The following C21orf58 variants were observed in gnomAD, a reference collection of about 807,000 sequenced individuals.
C21orf58 encodes chromosome 21 open reading frame 58.
A neutral mutation model predicts 35.8 loss-of-function variants in C21orf58; 34 were observed. The ratio of observed to expected loss-of-function variants is 0.95; its 90% CI spans 0.72 to 1.26. The LOEUF (loss-of-function observed/expected upper bound fraction) is 1.26. Ranked by LOEUF, C21orf58 falls within the 50% of genes most tolerant of loss-of-function variation. The probability of loss-of-function intolerance (pLI) is 0.00; values close to 1 mark genes in which losing one functional copy is unlikely to be tolerated. For synonymous variants in C21orf58, 191 were observed against 175.8 expected (o/e 1.09, Z -0.68); for missense variants, 440 against 414.3 (o/e 1.06, Z -0.54).
chr21:46,311,625 T>G (rs1266689728), intron 5 of C21orf58, 58 bp from the exon 6 acceptor site: 10 of 1,010,592 alleles, frequency 9.9e-6, no homozygotes, highest in Non-Finnish European at 1.3e-5. Context: ...GTGTCTCCAG[T>G]ATCTACCACC....
intron 1 of C21orf58, among the ~76,000 whole-genome samples, chr21:46,322,204 T>C (rs575351650): frequency 6.8e-4 from 103 of 152,016 alleles, no homozygotes; most frequent in Non-Finnish European, 1.1e-3. Context: ...GAGAATCACC[T>C]GAGCCCGGGG....
intron 5 of C21orf58, among the ~76,000 whole-genome samples, chr21:46,311,807 TCATC>T (rs2082718625): frequency 2.0e-5 from 1 of 50,380 alleles, no homozygotes; most frequent in South Asian, 7.1e-4. Flanking sequence ...AACCAACCAT[TCATC>T]CACCCACCCA....
chr21:46,307,985 T>C (rs2082497201), intron 6 of C21orf58, among the ~76,000 whole-genome samples: 1 of 152,000 alleles, frequency 6.6e-6, no homozygotes, highest in African/African-American at 2.4e-5. Context: ...TAGATAACAG[T>C]TTGGCAGTTT....
At chr21:46,300,566 C>T (rs564158308), downstream of C21orf58, 31 of 997,700 alleles carry the variant, frequency 3.1e-5, no homozygotes, top group African/African-American at 3.4e-5. Flanking sequence ...TCAAGAGGCA[C>T]GAAAAGATGG....
intron 6 of C21orf58, among the ~76,000 whole-genome samples, chr21:46,303,625 G>GAGA (rs1302193230): frequency 7.2e-6 from 1 of 138,582 alleles, no homozygotes; most frequent in Non-Finnish European, 1.5e-5. Flanking sequence ...ACCGAGACAG[G>GAGA]AGAAGTCCTT....
Position 46,302,559 on chromosome 21 carries a change from GC to G in C21orf58, c.738del (p.Leu247CysfsTer152), listed in dbSNP as rs2082156172. ...GSIKEDMVEL[L>X]LLQNAQVHQL... Reference sequence around the variant, plus strand: ...TGGTGCACCTGTGCGTTCTGCAGCAGCAGCAGCTCCACCATGTCTGCAGGGA... The same window carrying G: ...TGGTGCACCTGTGCGTTCTGCAGCAGAGCAGCTCCACCATGTCTGCAGGGA... On this transcript the variant is annotated frameshift_variant, in exon 7 of 8. Transcript: ENST00000291691. LOFTEE classifies it high-confidence loss of function. 3.1e-6 allele frequency: 5 copies of G among 1,612,136 alleles called. No individual in the cohort carries two copies. The highest frequency in any genetic ancestry group is 4.2e-6 in the Non-Finnish European group (5 of 1,179,106).
Position 46,302,505 on chromosome 21 carries a change from C to T in C21orf58, c.793G>A (p.Ala265Thr). 6.2e-7 allele frequency: 1 copy of T among 1,611,728 alleles called. No individual in the cohort carries two copies. Among genetic ancestry groups the T allele is most frequent in the South Asian group, 1.1e-5 (1 of 90,508 alleles). ...QLVLQNWMLK[A>T]LPPALQDPPH... The stretch of plus-strand genomic sequence containing the variant: ...CCTACCTGCAGGGCTGGGGGCAGGG[C>T]CTTGAGCATCCAGTTCTGCAGGACC... Residue 265 changes from alanine (A) to threonine (T), a missense_variant, in exon 7 of 8, where the codon GCC (alanine) becomes ACC (threonine). By Grantham distance (58) the Ala-to-Thr change is moderately conservative. Transcript: ENST00000291691.
Position 46,301,882 on chromosome 21 carries a change from C to T in C21orf58, c.*117G>A, listed in dbSNP as rs1172557545. 4 of 1,330,864 alleles carry T rather than the reference C, an allele frequency of 3.0e-6. No individual in the cohort carries two copies. In the East Asian group the frequency reaches 1.2e-4, roughly 40 times the overall value. The allele number at this position is 1,330,864 out of a possible 1,614,324, so 82.4% of individuals were successfully genotyped here. A position where few individuals can be genotyped will look rare whatever the true frequency, so the allele number is the denominator to read the frequency against. ...AGCCTGCAGTCCACACTCGCGTAGC[C>T]ACTCCGGGTGGTGGCAGGGTCTCTC... On this transcript the variant is annotated 3_prime_UTR_variant, in exon 8 of 8. Transcript: ENST00000291691.
At chr21:46,315,025 G>A in intron 4 of C21orf58, 145 bp from the exon 5 acceptor site, 1 of 1,545,670 alleles carries the variant, frequency 6.5e-7, no homozygotes. Context: ...GACCCTTCCA[G>A]GGTTATGTGC....
chr21:46,321,357 A>G (rs1167156632), intron 1 of C21orf58, among the ~76,000 whole-genome samples: 1 of 152,136 alleles, frequency 6.6e-6, no homozygotes, highest in Admixed American at 6.6e-5. Context: ...AAGCCAGTGC[A>G]CCTGGCCCAT....
downstream of C21orf58, chr21:46,300,842 A>G (rs1318399460): frequency 1.7e-6 from 2 of 1,198,886 alleles, no homozygotes; most frequent in South Asian, 1.3e-5. Flanking sequence ...AAAAATATGT[A>G]AACAACATTA....
At chr21:46,303,707 AAATATATATATATATATATATATAT>A (rs2082237512) in intron 6 of C21orf58, among the ~76,000 whole-genome samples, 1 of 41,528 alleles carries the variant, frequency 2.4e-5, no homozygotes, top group South Asian at 1.0e-3. Flanking sequence ...CACACACACA[AAATATATATATATATATATATATAT>A]ATATATATAT....
chr21:46,301,603 C>T lies in C21orf58; in HGVS notation c.*396G>A, dbSNP rs1056617846. ...GCTCCTGAGCTGAGATTTTCTTAAA[C>T]TCTTTCTGGATGAAATCTTTATTTC... On this transcript the variant is annotated 3_prime_UTR_variant, in exon 8 of 8. Coordinates refer to ENST00000291691, the MANE Select transcript of C21orf58 (RefSeq NM_058180.5). 608 of 1,012,686 alleles carry T rather than the reference C, an allele frequency of 6.0e-4. No individual in the cohort carries two copies. The highest frequency in any genetic ancestry group is 6.2e-4 in the Non-Finnish European group (525 of 848,490). 62.7% of individuals were successfully genotyped at this position (1,012,686 alleles called of 1,614,324 possible).
intron 6 of C21orf58, among the ~76,000 whole-genome samples, chr21:46,305,278 C>A (rs1271293221): frequency 6.8e-6 from 1 of 147,706 alleles, no homozygotes; most frequent in African/African-American, 2.5e-5. Flanking sequence ...CTTAAGTGGT[C>A]ACAATGGTAA....
intron 6 of C21orf58, among the ~76,000 whole-genome samples, chr21:46,306,479 C>G (rs1462367368): frequency 6.6e-6 from 1 of 152,034 alleles, no homozygotes; most frequent in African/African-American, 2.4e-5. Flanking sequence ...AGCCTGGCAA[C>G]AGAGCGACAC....
intron 6 of C21orf58, among the ~76,000 whole-genome samples, chr21:46,308,322 G>A (rs1366052511): frequency 2.0e-5 from 3 of 152,110 alleles, no homozygotes; most frequent in African/African-American, 2.4e-5. Flanking sequence ...TCAGCCGGGC[G>A]TGGTGGCACA....
intron 1 of C21orf58, chr21:46,318,954 G>GGATGT: frequency 1.2e-5 from 8 of 658,574 alleles, no homozygotes; most frequent in Non-Finnish European, 1.3e-5. Flanking sequence ...AGCAGCAGGG[G>GGATGT]CCCAGACCTG....
intron 6 of C21orf58, among the ~76,000 whole-genome samples, chr21:46,303,503 T>G (rs2082218505): frequency 6.6e-6 from 1 of 150,802 alleles, no homozygotes; most frequent in Admixed American, 6.6e-5. Context: ...GCAGGCAACC[T>G]GAAAGAAAAA....
At position 46,301,264 on chromosome 21, in the gene C21orf58, C is replaced by A. The variant is rs901790781; in HGVS notation, c.*735G>T. 2 of 272,886 alleles carry A rather than the reference C, an allele frequency of 7.3e-6. No individual in the cohort carries two copies. Among genetic ancestry groups the A allele is most frequent in the Non-Finnish European group, 1.1e-5 (2 of 178,552 alleles). 16.9% of individuals were successfully genotyped at this position (272,886 alleles called of 1,614,324 possible). ...TCAAGCAATCCTCCCACCTCAGCCC[C>A]CAGAGCTGCTGAGATAACAGGCGCA... On this transcript the variant is annotated 3_prime_UTR_variant, in exon 8 of 8. Transcript: ENST00000291691.
Sources: allele counts gnomAD v4.1 joint callset (sites outside exome capture counted in the v4.1 genomes callset), GRCh38; gene constraint gnomAD v4.1.1; transcripts MANE v1.5; gene names NCBI Gene and HGNC (gene_info 2026-07-23, HGNC 2026-07-21).